Variants in LTAP1 observed in about 807,000 individuals in gnomAD.
LTAP1 encodes HCV NS5A-transactivated protein 4.
the LTAP1 span, chr1:154,213,751 T>C: frequency 3.3e-6 from 2 of 601,578 alleles, no homozygotes; most frequent in East Asian, 3.1e-5. Context: ...ATCTCTAATC[T>C]AGTACTTTCA....
At chr1:154,215,552 T>C in the LTAP1 span, among the ~76,000 whole-genome samples, 95,671 of 146,262 alleles carry the variant, frequency 0.65, 32,145 homozygotes, top group East Asian at 0.96. Context: ...CGTGACAGAG[T>C]GAGACGTCTC....
At chr1:154,212,309 T>C in the LTAP1 span, 1 of 1,614,052 alleles carries the variant, frequency 6.2e-7, no homozygotes, top group South Asian at 1.1e-5. Context: ...CACGTTCCCC[T>C]CCAAACTCAC....
the LTAP1 span, chr1:154,214,060 C>G: frequency 1.1e-6 from 1 of 907,004 alleles, no homozygotes; most frequent in East Asian, 2.8e-5. Context: ...GGTGGATCAC[C>G]TGAGGTCAGG....
chr1:154,212,448 AC>A, the LTAP1 span: 2 of 1,613,972 alleles, frequency 1.2e-6, no homozygotes, highest in Admixed American at 3.3e-5. Flanking sequence ...CGAAGAAAAA[AC>A]TGGCTTACCC....
the LTAP1 span, chr1:154,212,033 T>C: frequency 3.0e-6 from 1 of 337,008 alleles, no homozygotes; most frequent in African/African-American, 2.1e-5. Context: ...ATTTTGTATT[T>C]TTAGTAGAGA....
At chr1:154,212,379 C>A in the LTAP1 span, 1 of 1,614,054 alleles carries the variant, frequency 6.2e-7, no homozygotes, top group Non-Finnish European at 8.5e-7. Context: ...GGCCAAAGAC[C>A]TTAGGAAAGA....
chr1:154,220,419 C>T, the LTAP1 span: 2 of 1,614,252 alleles, frequency 1.2e-6, no homozygotes, highest in East Asian at 2.2e-5. Flanking sequence ...GCCTCCCTAC[C>T]TCGCGCAGAA....
At chr1:154,212,193 T>A in the LTAP1 span, 2 of 1,037,060 alleles carry the variant, frequency 1.9e-6, no homozygotes, top group Admixed American at 1.7e-5. Context: ...GATCTAATAG[T>A]CTAGAACCTG....
chr1:154,207,144 T>C, the LTAP1 span: 3 of 266,936 alleles, frequency 1.1e-5, no homozygotes, highest in Non-Finnish European at 7.2e-6. Context: ...AGGTGAACTA[T>C]GGCTGAAACC....
At chr1:154,219,625 G>T in the LTAP1 span, among the ~76,000 whole-genome samples, 173 of 152,342 alleles carry the variant, frequency 1.1e-3, no homozygotes, top group African/African-American at 3.9e-3. Context: ...TACAAAAACA[G>T]AAGTTCCAGG....
the LTAP1 span, among the ~76,000 whole-genome samples, chr1:154,214,260 G>A: frequency 6.6e-6 from 1 of 151,930 alleles, no homozygotes; most frequent in African/African-American, 2.4e-5. Flanking sequence ...TGGGCAACAA[G>A]AGTGAAACTC....
chr1:154,217,105 C>A, the LTAP1 span, among the ~76,000 whole-genome samples: 35 of 152,060 alleles, frequency 2.3e-4, no homozygotes, highest in Admixed American at 5.2e-4. Flanking sequence ...CACCGCCACG[C>A]CCAGCTAATT....
chr1:154,220,475 G>C, the LTAP1 span: 1 of 1,593,968 alleles, frequency 6.3e-7, no homozygotes, highest in Non-Finnish European at 8.6e-7. Flanking sequence ...CCCAGGCTCC[G>C]CCGAAGCGAC....
chr1:154,210,041 A>T, the LTAP1 span, among the ~76,000 whole-genome samples: 1 of 151,344 alleles, frequency 6.6e-6, no homozygotes, highest in East Asian at 2.0e-4. Flanking sequence ...AGCAGTTTTT[A>T]CTAGGACCTT....
chr1:154,216,176 T>G, the LTAP1 span, among the ~76,000 whole-genome samples: 1 of 152,052 alleles, frequency 6.6e-6, no homozygotes, highest in Non-Finnish European at 1.5e-5. Flanking sequence ...CATCCCTCAT[T>G]GAATGCTCCG....
chr1:154,216,803 C>T, the LTAP1 span, among the ~76,000 whole-genome samples: 9 of 152,030 alleles, frequency 5.9e-5, no homozygotes, highest in East Asian at 1.9e-4. Flanking sequence ...CGTGAACCAC[C>T]GCGCCTGGCC....
chr1:154,213,302 G>A, the LTAP1 span: 7 of 152,470 alleles, frequency 4.6e-5, no homozygotes, highest in African/African-American at 9.7e-5. Context: ...GCAAGACTCC[G>A]TCTCAAAAAT....
chr1:154,212,149 G>C, the LTAP1 span: 4 of 744,382 alleles, frequency 5.4e-6, no homozygotes, highest in Non-Finnish European at 9.2e-6. Flanking sequence ...GAACCACTGT[G>C]CCCGGCCGCA....
the LTAP1 span, chr1:154,220,054 G>C: frequency 1.0e-6 from 1 of 973,342 alleles, no homozygotes; most frequent in African/African-American, 1.7e-5. Flanking sequence ...AATGTTTCAG[G>C]GTAAAACTTG....
Sources: gnomAD v4.1 joint callset for allele counts (sites outside exome capture counted in the v4.1 genomes callset) on GRCh38, gnomAD v4.1.1 for gene constraint, MANE v1.5 for transcripts, NCBI Gene and HGNC (gene_info 2026-07-23, HGNC 2026-07-21) for gene names.